The following NFATC1 variants were observed in gnomAD, a reference collection of about 807,000 sequenced individuals.
NFATC1 encodes nuclear factor of activated T cells 1, also known as nuclear factor of activated T-cells, cytoplasmic 1.
Under a neutral mutation model 76.0 loss-of-function variants are expected in NFATC1, and 22 were observed. The ratio of observed to expected loss-of-function variants is 0.29; its 90% CI spans 0.21 to 0.41. The LOEUF is 0.41. Among genes scored for constraint, NFATC1 ranks in the 10% least tolerant of loss-of-function variants. NFATC1 has a pLI of 1.00. For missense variants in NFATC1, 1,357 were observed against 1,337.7 expected (o/e 1.01, Z -0.23); for synonymous variants, 704 against 613.1 (o/e 1.15, Z -2.19).
At chr18:79,413,026 GCC>G (rs1169794789) in intron 2 of NFATC1, among the ~76,000 whole-genome samples, 2 of 152,172 alleles carry the variant, frequency 1.3e-5, no homozygotes, top group Non-Finnish European at 2.9e-5. Flanking sequence ...AACTGTTTTT[GCC>G]TGCTGTACTA....
chr18:79,475,445 C>T (rs945242439), intron 8 of NFATC1, among the ~76,000 whole-genome samples: 25 of 151,540 alleles, frequency 1.6e-4, no homozygotes, highest in African/African-American at 4.4e-4. Context: ...CGTGTTCTCA[C>T]GCTCACTGTC....
At chr18:79,472,620 C>A (rs993673589) in intron 8 of NFATC1, among the ~76,000 whole-genome samples, 1 of 152,216 alleles carries the variant, frequency 6.6e-6, no homozygotes, top group Non-Finnish European at 1.5e-5. Context: ...GCCTTGAACA[C>A]CTGTGGCCTC....
chr18:79,436,902 C>A (rs190006284), intron 3 of NFATC1, among the ~76,000 whole-genome samples: 1 of 152,100 alleles, frequency 6.6e-6, no homozygotes, highest in Non-Finnish European at 1.5e-5. Flanking sequence ...GTTCCCACGC[C>A]GGGGAGAGAC....
chr18:79,433,441 G>C lies in NFATC1; in HGVS notation c.1227-138G>C. ...ATGAGTAAGCACTGCATTGACACAG[G>C]CTTCTCCATCTCCATGTCAGGACGT... On this transcript the variant is annotated intron_variant, in intron 2 of 9. Transcript: ENST00000427363. 4.9e-6 allele frequency: 5 copies of C among 1,015,224 alleles called. No homozygotes were observed. In the South Asian group the frequency reaches 7.0e-5, roughly 14 times the overall value. The allele number at this position is 1,015,224 out of a possible 1,614,324, so 62.9% of individuals were successfully genotyped here.
At chr18:79,423,587 G>T (rs534287808) in intron 2 of NFATC1, among the ~76,000 whole-genome samples, 1 of 152,298 alleles carries the variant, frequency 6.6e-6, no homozygotes, top group Non-Finnish European at 1.5e-5. Context: ...CTGTCCTGGT[G>T]GAAGGGGCTG....
chr18:79,515,338 CAAAAA>C (rs75194540), intron 9 of NFATC1, among the ~76,000 whole-genome samples: 2 of 63,486 alleles, frequency 3.2e-5, no homozygotes, highest in Non-Finnish European at 3.5e-5. Context: ...GACTCCATCT[CAAAAA>C]AAAAAAAAAA....
chr18:79,424,539 CTCTCTCTCTGTCTCTG>C (rs772806115), intron 2 of NFATC1, among the ~76,000 whole-genome samples: 31 of 151,992 alleles, frequency 2.0e-4, no homozygotes, highest in African/African-American at 5.5e-4. Flanking sequence ...GTCTCCCTGT[CTCTCTCTCTGTCTCTG>C]TCTCTCTCTG....
chr18:79,483,913 C>G (rs2089415982), intron 8 of NFATC1, among the ~76,000 whole-genome samples: 3 of 146,854 alleles, frequency 2.0e-5, no homozygotes, highest in Admixed American at 2.0e-4. Flanking sequence ...TGACCTGGTT[C>G]CTGGGGTGTC....
intron 3 of NFATC1, among the ~76,000 whole-genome samples, chr18:79,436,678 T>G (rs2086790095): frequency 6.6e-6 from 1 of 152,072 alleles, no homozygotes; most frequent in Non-Finnish European, 1.5e-5. Context: ...TAGGAAAGGG[T>G]GTTTGCTCCT....
chr18:79,455,735 C>CACG (rs1206288912), intron 6 of NFATC1, among the ~76,000 whole-genome samples: 1 of 122,198 alleles, frequency 8.2e-6, no homozygotes, highest in Admixed American at 8.1e-5. Flanking sequence ...GACCCCAGCT[C>CACG]GCCCCCCATC....
At chr18:79,470,077 G>A in intron 8 of NFATC1, 2 of 930,378 alleles carry the variant, frequency 2.1e-6, no homozygotes, top group Non-Finnish European at 1.3e-6. Flanking sequence ...AACCCCGGCT[G>A]GGTCTGAGGA....
intron 8 of NFATC1, among the ~76,000 whole-genome samples, chr18:79,474,280 G>T (rs530710268): frequency 7.6e-5 from 10 of 132,388 alleles, no homozygotes; most frequent in Non-Finnish European, 1.6e-4. Context: ...TGAGGGAAGC[G>T]TGTTCTCACG....
intron 2 of NFATC1, among the ~76,000 whole-genome samples, chr18:79,427,393 T>TGGACGGCTGGCCTCTGTGCGGTGGGTG: frequency 1.4e-5 from 1 of 69,642 alleles, no homozygotes; most frequent in Non-Finnish European, 2.9e-5. Context: ...TGCAGTGGGT[T>TGGACGGCTGGCCTCTGTGCGGTGGGTG]GGGGGGAGCT....
intron 9 of NFATC1, among the ~76,000 whole-genome samples, chr18:79,499,376 A>T (rs2089966679): frequency 6.6e-6 from 1 of 152,264 alleles, no homozygotes; most frequent in Non-Finnish European, 1.5e-5. Context: ...AAAATGTCAA[A>T]AAATGCACTT....
At chr18:79,496,705 C>T (rs1422912738) in intron 9 of NFATC1, 2 of 152,272 alleles carry the variant, frequency 1.3e-5, no homozygotes, top group Non-Finnish European at 2.9e-5. Context: ...CCTGAGGTCG[C>T]ACATCCTTGC....
intron 7 of NFATC1, among the ~76,000 whole-genome samples, chr18:79,466,854 G>A (rs2144922410): frequency 6.6e-6 from 1 of 152,350 alleles, no homozygotes; most frequent in South Asian, 2.1e-4. Context: ...GCAGTCACCT[G>A]AGCAGGTGCT....
In NFATC1 at chr18:79,433,658, T is replaced by G. The variant is rs1428625363; in HGVS notation, c.1306T>G (p.Ser436Ala). The G allele has an allele frequency of 6.2e-7, 1 of 1,612,504 alleles. No individual in the cohort carries two copies. The highest frequency in any genetic ancestry group is 1.7e-5 in the Admixed American group (1 of 59,960). The stretch of plus-strand genomic sequence containing the variant: ...GCTTCGGATTGAGGTGCAGCCCAAG[T>G]CCCACCACCGAGCCCACTACGAGAC... Reference protein sequence around the residue: ...YELRIEVQPKSHHRAHYETEG... With the variant: ...YELRIEVQPKAHHRAHYETEG... The change falls in exon 3 of 10, where the codon TCC becomes GCC. Residue 436 changes from serine to alanine, a missense_variant. By Grantham distance (99) the Ser-to-Ala change is moderately conservative. Around this residue, in one of 3 missense-constraint regions of NFATC1, gnomAD observed 242 missense variants for 329.2 expected, o/e 0.74. Transcript: ENST00000427363.
chr18:79,486,508 C>G lies in NFATC1; in HGVS notation c.2353C>G (p.His785Asp). ...AYTKGVASPG[H>D]CHLGLPQPAG... ...CACCAAGGGCGTTGCCAGCCCGGGCCACTGTCACCTCGGACTCCCGCAGCC... is the reference window on the plus strand; with the variant it reads ...CACCAAGGGCGTTGCCAGCCCGGGCGACTGTCACCTCGGACTCCCGCAGCC... The change falls in exon 9 of 10, where the codon CAC (histidine) becomes GAC (aspartate). Residue 785 changes from histidine to aspartate, a missense_variant. This residue lies in a region of NFATC1 where 424 missense variants were observed against 395.4 expected (regional missense o/e 1.07). Coordinates refer to ENST00000427363, the MANE Select transcript of NFATC1 (RefSeq NM_001278669.2). 6.2e-7 allele frequency: 1 copy of G among 1,603,964 alleles called. No homozygotes were observed. The highest frequency in any genetic ancestry group is 8.5e-7 in the Non-Finnish European group (1 of 1,179,322).
At chr18:79,400,229 TTGTTTA>T (rs1171399352) in intron 1 of NFATC1, 1 of 1,173,154 alleles carries the variant, frequency 8.5e-7, no homozygotes, top group Non-Finnish European at 1.0e-6. Context: ...CGCGAGCCGG[TTGTTTA>T]TGTAAACCCG....
Sources: allele counts gnomAD v4.1 joint callset (sites outside exome capture counted in the v4.1 genomes callset), GRCh38; gene constraint gnomAD v4.1.1; regional missense constraint gnomAD v4.1.1; transcripts MANE v1.5; gene names NCBI Gene and HGNC (gene_info 2026-07-23, HGNC 2026-07-21).